FHAD1: variants seen among roughly 807,000 people sequenced by gnomAD.
FHAD1 encodes forkhead associated phosphopeptide binding domain 1, also known as forkhead-associated domain-containing protein 1.
A neutral mutation model predicts 191.3 loss-of-function variants in FHAD1; 146 were observed. That is an observed-to-expected ratio of 0.76 (90% CI 0.67 to 0.88). The LOEUF is 0.88. Among genes scored for constraint, FHAD1 ranks in the 40% least tolerant of loss-of-function variants. The pLI, the probability that FHAD1 is intolerant of heterozygous loss-of-function variation, is 0.00. For synonymous variants in FHAD1, 616 were observed against 672.3 expected, an observed-to-expected ratio of 0.92 and a Z score of 1.29; for missense variants, 1,635 against 1,785.8, an observed-to-expected ratio of 0.92 and a Z score of 1.52.
chr1:15,366,558 G>C (rs1409186472), intron 24 of FHAD1, among the ~76,000 whole-genome samples: 1 of 152,206 alleles, frequency 6.6e-6, no homozygotes, highest in Non-Finnish European at 1.5e-5. Context: ...AAGGCTTGGA[G>C]GGCAATCCTG....
intron 3 of FHAD1, among the ~76,000 whole-genome samples, chr1:15,274,481 G>A (rs1208384094): frequency 5.3e-5 from 8 of 151,944 alleles, no homozygotes; most frequent in South Asian, 2.1e-4. Flanking sequence ...GCATGGTGGC[G>A]GGCGCCTGTA....
chr1:15,367,532 A>G lies in FHAD1; in HGVS notation c.3224A>G (p.Glu1075Gly), dbSNP rs1696857610. Residue 1075 changes from glutamate to glycine, a missense_variant, in exon 25 of 34, where the codon GAG becomes GGG. Coordinates refer to ENST00000688493, the MANE Select transcript of FHAD1 (RefSeq NM_001391957.1). ...NVVLVQQQSKELSVLKEKMAQ... is the reference protein window; with the variant it reads ...NVVLVQQQSKGLSVLKEKMAQ... ...GTGCTGGTCCAGCAGCAGAGCAAGGAGCTGAGTGTGCTCAAGGAGAAGATG... is the reference window on the plus strand; with the variant it reads ...GTGCTGGTCCAGCAGCAGAGCAAGGGGCTGAGTGTGCTCAAGGAGAAGATG... 1 of 1,548,646 alleles carries G rather than the reference A, an allele frequency of 6.5e-7. No homozygotes were observed. Among genetic ancestry groups the G allele is most frequent in the Non-Finnish European group, 8.7e-7 (1 of 1,145,710 alleles).
intron 2 of FHAD1, among the ~76,000 whole-genome samples, chr1:15,271,138 CGGAAAAAAAAAAAAAAAAAAAAAAATT>C (rs1655748642): frequency 4.4e-5 from 3 of 67,576 alleles, no homozygotes; most frequent in Admixed American, 3.7e-4. Context: ...GACTCCATCT[CGGAAAAAAAAAAAAAAAAAAAAAAATT>C]AGCTGGGCGT....
At chr1:15,296,898 T>G in intron 5 of FHAD1, 105 bp downstream of exon 5, 2 of 835,166 alleles carry the variant, frequency 2.4e-6, no homozygotes, top group South Asian at 3.6e-5. Context: ...TTATCCTGCT[T>G]CCAAGAAACC....
At chr1:15,390,983 C>T (rs1039090094) in intron 32 of FHAD1, among the ~76,000 whole-genome samples, 2 of 152,174 alleles carry the variant, frequency 1.3e-5, no homozygotes, top group African/African-American at 4.8e-5. Flanking sequence ...CCCCAAGAGA[C>T]TCAGCAAGAT....
At chr1:15,384,903 G>A (rs1308794064) in intron 31 of FHAD1, among the ~76,000 whole-genome samples, 1 of 152,144 alleles carries the variant, frequency 6.6e-6, no homozygotes, top group Non-Finnish European at 1.5e-5. Flanking sequence ...GGAGGTCGGA[G>A]GGCAGTGTCA....
At chr1:15,283,297 G>A (rs1009279868) in intron 3 of FHAD1, among the ~76,000 whole-genome samples, 16 of 152,088 alleles carry the variant, frequency 1.1e-4, no homozygotes, top group African/African-American at 3.6e-4. Flanking sequence ...AATTTGGTCT[G>A]GTGTCTGAGC....
chr1:15,358,069 T>C, intron 20 of FHAD1, 41 bp from the exon 21 acceptor site: 1 of 1,401,786 alleles, frequency 7.1e-7, no homozygotes, highest in East Asian at 2.5e-5. Flanking sequence ...AAATATGTAT[T>C]CCTGAATGTC....
At chr1:15,394,475 A>G (rs1489432788) in intron 33 of FHAD1, among the ~76,000 whole-genome samples, 2 of 152,136 alleles carry the variant, frequency 1.3e-5, no homozygotes, top group Non-Finnish European at 2.9e-5. Context: ...ATTTGGACCA[A>G]TATTTACTTT....
upstream of FHAD1, among the ~76,000 whole-genome samples, chr1:15,244,427 G>A (rs762969697): frequency 6.6e-6 from 1 of 152,162 alleles, no homozygotes; most frequent in Non-Finnish European, 1.5e-5. The surrounding 1 kb of genome is among the most constrained non-coding windows in gnomAD (Gnocchi z 5.1). Context: ...GCCAGCCTGG[G>A]TTTCACTGGG....
intron 1 of FHAD1, among the ~76,000 whole-genome samples, chr1:15,250,075 G>C (rs1646591109): frequency 6.6e-6 from 1 of 152,192 alleles, no homozygotes; most frequent in Admixed American, 6.5e-5. Context: ...ATGAAAAGCA[G>C]AGCCAGCCCC....
At chr1:15,260,831 T>G (rs1224618283) in intron 2 of FHAD1, among the ~76,000 whole-genome samples, 1 of 152,276 alleles carries the variant, frequency 6.6e-6, no homozygotes, top group Non-Finnish European at 1.5e-5. Context: ...ATAATCCAGG[T>G]TAACCTCCCT....
At chr1:15,285,077 C>CT (rs931457722) in intron 3 of FHAD1, among the ~76,000 whole-genome samples, 8 of 152,142 alleles carry the variant, frequency 5.3e-5, no homozygotes, top group South Asian at 2.1e-4. Flanking sequence ...TTTCAGGAGT[C>CT]TTTTTTTTAT....
chr1:15,298,624 A>G (rs1020033946), intron 5 of FHAD1, among the ~76,000 whole-genome samples: 5 of 152,126 alleles, frequency 3.3e-5, no homozygotes, highest in African/African-American at 7.2e-5. Flanking sequence ...AGACCACCCA[A>G]TATCATGTCT....
chr1:15,308,606 C>T lies in FHAD1; in HGVS notation c.916-7C>T. ...CCCCCCTCTGACTGTGCCACCTCCT[C>T]CCACAGATCAGTGCCCTACAGAAAG... On this transcript the variant is annotated splice_polypyrimidine_tract_variant and splice_region_variant and intron_variant, in intron 6 of 33. Coordinates refer to ENST00000688493, the MANE Select transcript of FHAD1 (RefSeq NM_001391957.1). 6.4e-7 allele frequency: 1 copy of T among 1,551,694 alleles called. No individual in the cohort carries two copies. Among genetic ancestry groups the T allele is most frequent in the Non-Finnish European group, 8.7e-7 (1 of 1,146,960 alleles).
At chr1:15,307,743 T>G (rs1320141730) in intron 6 of FHAD1, among the ~76,000 whole-genome samples, 3 of 152,044 alleles carry the variant, frequency 2.0e-5, no homozygotes, top group Non-Finnish European at 4.4e-5. Context: ...TCTTTTTTTT[T>G]TTTTGGAGAC....
At chr1:15,275,525 G>A (rs1469715621) in intron 3 of FHAD1, among the ~76,000 whole-genome samples, 1 of 152,118 alleles carries the variant, frequency 6.6e-6, no homozygotes, top group Non-Finnish European at 1.5e-5. Context: ...CCCTTTCAGA[G>A]CATTCCTAGA....
In FHAD1 at chr1:15,327,090, C is replaced by T. The variant is rs749913548; in HGVS notation, c.1505C>T (p.Ala502Val). 1.1e-4 allele frequency: 163 copies of T among 1,551,252 alleles called. No individual in the cohort carries two copies. Among genetic ancestry groups the T allele is most frequent in the Non-Finnish European group, 2.4e-5 (27 of 1,146,886 alleles). Residue 502 changes from alanine to valine, a missense_variant, in exon 12 of 34, where the codon GCC (alanine) becomes GTC (valine). Transcript: ENST00000688493. The surrounding 1 kb of genome is among the most constrained non-coding windows in gnomAD (Gnocchi z 5.1). ...LEHFRSQVIKATYGRAKPFRD... is the reference protein window; with the variant it reads ...LEHFRSQVIKVTYGRAKPFRD... ...CACTTCAGAAGTCAAGTCATCAAGG[C>T]CACCTATGGACGGGCGAAGCCGTTC...
At chr1:15,359,942 T>G (rs1328227211) in intron 21 of FHAD1, among the ~76,000 whole-genome samples, 1 of 151,406 alleles carries the variant, frequency 6.6e-6, no homozygotes, top group African/African-American at 2.4e-5. Flanking sequence ...AGAGAGAGAC[T>G]CCGTCTCAAG....
Sources: gnomAD v4.1 joint callset for allele counts (sites outside exome capture counted in the v4.1 genomes callset) on GRCh38, gnomAD v4.1.1 for gene constraint, Gnocchi (gnomAD v3.1) non-coding constraint, MANE v1.5 for transcripts, NCBI Gene and HGNC (gene_info 2026-07-23, HGNC 2026-07-21) for gene names.